Variants in LYST observed in about 807,000 individuals in gnomAD.
The protein encoded by LYST is lysosomal trafficking regulator.
LYST carries 192 observed loss-of-function variants against 413.6 expected under a neutral mutation model. That is an observed-to-expected ratio of 0.46 (90% CI 0.41 to 0.52). The LOEUF (loss-of-function observed/expected upper bound fraction) is 0.52. LYST is among the 20% of genes least tolerant of loss of function. LYST has a pLI of 0.00. For synonymous variants in LYST, 1,525 were observed against 1,567.3 expected, an observed-to-expected ratio of 0.97 and a Z score of 0.64; for missense variants, 3,815 against 4,499.9, an observed-to-expected ratio of 0.85 and a Z score of 4.35.
rs542984729 is a variant in LYST, at chr1:235,747,314, C to T, written c.7781-787G>A. The T allele has an allele frequency of 3.9e-5, 17 of 430,616 alleles. No individual in the cohort carries two copies. In the East Asian group the frequency reaches 1.2e-3, roughly 31 times the overall value. 26.7% of individuals were successfully genotyped at this position (430,616 alleles called of 1,614,324 possible). On this transcript the variant is annotated intron_variant, in intron 28 of 52. Coordinates refer to ENST00000389793, the MANE Select transcript of LYST (RefSeq NM_000081.4). ...CTTGGTAGATGAGGAATAATGGAACCCTTCATTGGAATTGAACCTTTGTTT... is the reference window on the plus strand; with the variant it reads ...CTTGGTAGATGAGGAATAATGGAACTCTTCATTGGAATTGAACCTTTGTTT...
Position 235,805,731 on chromosome 1 carries a change from A to G in LYST, c.3393+12T>C. The G allele has an allele frequency of 1.3e-6, 2 of 1,598,140 alleles. No homozygotes were observed. The highest frequency in any genetic ancestry group is 1.7e-6 in the Non-Finnish European group (2 of 1,166,416). On this transcript the variant is annotated intron_variant, in intron 6 of 52. Coordinates refer to ENST00000389793, the MANE Select transcript of LYST (RefSeq NM_000081.4). Reference sequence around the variant, plus strand: ...ATATTACATAAGAGTTGGACTAAGGACAAGGTATTACCTGATTAGGTAACT... The same window carrying G: ...ATATTACATAAGAGTTGGACTAAGGGCAAGGTATTACCTGATTAGGTAACT...
In LYST at chr1:235,738,190, A is replaced by G. The variant is rs1408765017; in HGVS notation, c.8358+3232T>C. Reference sequence around the variant, plus strand: ...GACAAATTGAAGGGCGAGATGATGGATCTCCACCATGGCAGCCTTTTCCTT... The same window carrying G: ...GACAAATTGAAGGGCGAGATGATGGGTCTCCACCATGGCAGCCTTTTCCTT... On this transcript the variant is annotated intron_variant, in intron 31 of 52. Coordinates refer to ENST00000389793, the MANE Select transcript of LYST (RefSeq NM_000081.4). 3 of 1,610,084 alleles carry G rather than the reference A, an allele frequency of 1.9e-6. No individual in the cohort carries two copies. In the African/African-American group the frequency reaches 4.0e-5, roughly 22 times the overall value.
At position 235,731,027 on chromosome 1, in the gene LYST, A is replaced by C. The variant is rs960452001; in HGVS notation, c.8947+5T>G. The stretch of plus-strand genomic sequence containing the variant: ...TTATATGTTGAGTCAAGAAGCCACT[A>C]TTACCTTCTGATTTCTGTCTATCCC... On this transcript the variant is annotated splice_donor_5th_base_variant and intron_variant, in intron 35 of 52. Coordinates refer to ENST00000389793, the MANE Select transcript of LYST (RefSeq NM_000081.4). 4 of 1,612,962 alleles carry C rather than the reference A, an allele frequency of 2.5e-6. No homozygotes were observed. The East Asian group carries it at 8.9e-5, about 36-fold the overall frequency.
chr1:235,697,902 A>G (rs1435596718), intron 45 of LYST, among the ~76,000 whole-genome samples: 3 of 152,252 alleles, frequency 2.0e-5, no homozygotes, highest in African/African-American at 7.2e-5. Context: ...TAGAGCTTGA[A>G]GAACAATAGG....
chr1:235,848,310 A>T (rs1479519178), intron 1 of LYST, among the ~76,000 whole-genome samples: 2 of 152,204 alleles, frequency 1.3e-5, no homozygotes, highest in Non-Finnish European at 2.9e-5. Flanking sequence ...ATCAAGATAG[A>T]AATTAAAAAA....
Position 235,686,032 on chromosome 1 carries a change from T to G in LYST, c.10800+917A>C, listed in dbSNP as rs1176646555. Among the ~76,000 whole-genome samples, 1 of 152,096 alleles carries G rather than the reference T, an allele frequency of 6.6e-6. No homozygotes were observed. Among genetic ancestry groups the G allele is most frequent in the African/African-American group, 2.4e-5 (1 of 41,424 alleles). On this transcript the variant is annotated intron_variant, in intron 48 of 52. Coordinates refer to ENST00000389793, the MANE Select transcript of LYST (RefSeq NM_000081.4). The surrounding 1 kb of genome is among the most constrained non-coding windows in gnomAD (Gnocchi z 4.0). ...TGATTACTGAGTTATCAACCTAAACTTGACACATATCCTCAACTGCACCAC... is the reference window on the plus strand; with the variant it reads ...TGATTACTGAGTTATCAACCTAAACGTGACACATATCCTCAACTGCACCAC...
At position 235,777,053 on chromosome 1, in the gene LYST, T is replaced by C; in HGVS notation, c.5460+10A>G. On this transcript the variant is annotated intron_variant, in intron 17 of 52. Coordinates refer to ENST00000389793, the MANE Select transcript of LYST (RefSeq NM_000081.4). The stretch of plus-strand genomic sequence containing the variant: ...TCTCTTTAGACAAAACTATAAGCAG[T>C]GATTCTTACCCTGGCAAAGAGAAAA... The C allele has an allele frequency of 6.2e-7, 1 of 1,612,264 alleles. No homozygotes were observed. The highest frequency in any genetic ancestry group is 8.5e-7 in the Non-Finnish European group (1 of 1,178,622).
chr1:235,714,535 A>G (rs768173306), intron 42 of LYST, among the ~76,000 whole-genome samples: 21 of 152,240 alleles, frequency 1.4e-4, no homozygotes, highest in Admixed American at 4.6e-4. Context: ...TGGTTGAGTA[A>G]AAGAATGGAT....
chr1:235,868,240 C>T (rs1680743928), upstream of LYST, among the ~76,000 whole-genome samples: 1 of 151,734 alleles, frequency 6.6e-6, no homozygotes, highest in East Asian at 1.9e-4. Context: ...GGCCGGATAT[C>T]GGCTCACTGA....
chr1:235,678,245 G>A (rs572284792), intron 48 of LYST, among the ~76,000 whole-genome samples: 1 of 152,254 alleles, frequency 6.6e-6, no homozygotes, highest in South Asian at 2.1e-4. Context: ...ATGAGGTCAG[G>A]AGGTCGAGAC....
Position 235,798,578 on chromosome 1 carries a change from T to TAAAAAA in LYST, c.4006+1736_4006+1741dup, listed in dbSNP as rs71174462. ...TGGCGACAAGGGCAAAACCCTGTCA[T>TAAAAAA]AAAAAAAAAAAAAAAAAAAAAAAAA... On this transcript the variant is annotated intron_variant, in intron 10 of 52. Transcript: ENST00000389793. Among the ~76,000 whole-genome samples, 82 of 81,656 alleles carry TAAAAAA rather than the reference T, an allele frequency of 1.0e-3. 2 individuals are homozygous for TAAAAAA. Among genetic ancestry groups the TAAAAAA allele is most frequent in the East Asian group, 4.4e-3 (8 of 1,816 alleles). The allele number at this position is 81,656 out of a possible 152,430, so 53.6% of individuals were successfully genotyped here.
chr1:235,769,553 A>G (rs989064635), intron 20 of LYST, among the ~76,000 whole-genome samples: 1 of 152,106 alleles, frequency 6.6e-6, no homozygotes, highest in Non-Finnish European at 1.5e-5. Flanking sequence ...TAGACATTAA[A>G]AAAAACTTGG....
intron 1 of LYST, among the ~76,000 whole-genome samples, chr1:235,845,945 C>G (rs1233816853): frequency 3.3e-5 from 5 of 151,720 alleles, no homozygotes. Flanking sequence ...CTTGGGAGTT[C>G]TAGGGCCCTG....
intron 46 of LYST, among the ~76,000 whole-genome samples, chr1:235,694,154 C>A (rs1000330242): frequency 6.6e-6 from 1 of 151,862 alleles, no homozygotes; most frequent in Non-Finnish European, 1.5e-5. Context: ...GGACTACAGG[C>A]GCTCGCCACC....
At chr1:235,875,806 C>T (rs1315591910) in intron 1 of LYST, among the ~76,000 whole-genome samples, 2 of 152,064 alleles carry the variant, frequency 1.3e-5, no homozygotes, top group African/African-American at 4.8e-5. Context: ...GGTACTCAAG[C>T]CTGGGTGACA....
chr1:235,838,857 G>A (rs1676864764), intron 1 of LYST, among the ~76,000 whole-genome samples: 1 of 134,838 alleles, frequency 7.4e-6, no homozygotes, highest in Non-Finnish European at 1.7e-5. Flanking sequence ...TGTCAGAGAA[G>A]AGAAGAAAGC....
At chr1:235,845,216 A>ACTGGAGAAGCTGAAGGTCTGTTTG (rs1020324649) in intron 1 of LYST, among the ~76,000 whole-genome samples, 1 of 152,134 alleles carries the variant, frequency 6.6e-6, no homozygotes, top group Non-Finnish European at 1.5e-5. Context: ...ACACACCCCC[A>ACTGGAGAAGCTGAAGGTCTGTTTG]CTGGAGAAGC....
At chr1:235,727,847 A>C (rs1664028134) in intron 38 of LYST, among the ~76,000 whole-genome samples, 1 of 152,208 alleles carries the variant, frequency 6.6e-6, no homozygotes, top group South Asian at 2.1e-4. Context: ...AGCATTTAGA[A>C]TATGACTTAT....
At chr1:235,769,374 T>G (rs1668442442) in intron 20 of LYST, among the ~76,000 whole-genome samples, 1 of 152,066 alleles carries the variant, frequency 6.6e-6, no homozygotes, top group African/African-American at 2.4e-5. Context: ...CATATAAGCC[T>G]TCTCATATTA....
Sources: allele counts gnomAD v4.1 joint callset (sites outside exome capture counted in the v4.1 genomes callset), GRCh38; gene constraint gnomAD v4.1.1; non-coding constraint Gnocchi (gnomAD v3.1); transcripts MANE v1.5; gene names NCBI Gene and HGNC (gene_info 2026-07-23, HGNC 2026-07-21).